CDH8: variants seen among roughly 807,000 people sequenced by gnomAD.
CDH8 encodes cadherin-8.
Under a neutral mutation model 68.1 loss-of-function variants are expected in CDH8, and 17 were observed. The observed-to-expected ratio is 0.25, with a 90% CI of 0.17 to 0.37. CDH8 has a LOEUF of 0.37. Among genes scored for constraint, CDH8 ranks in the 10% least tolerant of loss-of-function variants. The probability of loss-of-function intolerance (pLI) is 1.00; values close to 1 mark genes in which losing one functional copy is unlikely to be tolerated. For missense variants in CDH8, 763 were observed against 999.3 expected (o/e 0.76, Z 3.19); for synonymous variants, 372 against 365.1 (o/e 1.02, Z -0.21).
At chr16:61,918,865 G>C (rs1442370928) in intron 2 of CDH8, among the ~76,000 whole-genome samples, 1 of 151,064 alleles carries the variant, frequency 6.6e-6, no homozygotes, top group Non-Finnish European at 1.5e-5. Context: ...TGGGGGCAGG[G>C]CACAGACAAA....
chr16:61,788,293 C>A (rs966064818), intron 8 of CDH8, among the ~76,000 whole-genome samples: 5 of 152,098 alleles, frequency 3.3e-5, no homozygotes, highest in Non-Finnish European at 1.5e-5. Flanking sequence ...CCTGTTTTCA[C>A]ATTAGCTGCC....
chr16:61,985,681 G>A (rs958942352), intron 2 of CDH8, among the ~76,000 whole-genome samples: 2 of 151,794 alleles, frequency 1.3e-5, no homozygotes, highest in African/African-American at 2.4e-5. Context: ...TAGTAGAGAC[G>A]GGGGTTTCTC....
chr16:61,896,962 A>C (rs1035498255), intron 3 of CDH8, among the ~76,000 whole-genome samples: 1 of 151,860 alleles, frequency 6.6e-6, no homozygotes, highest in African/African-American at 2.4e-5. Context: ...CCTGATAATA[A>C]GGGATAGAAC....
At chr16:61,778,912 T>G (rs1371944323) in intron 8 of CDH8, among the ~76,000 whole-genome samples, 1 of 152,140 alleles carries the variant, frequency 6.6e-6, no homozygotes, top group Admixed American at 6.5e-5. Context: ...GGCCCCATGC[T>G]AGGAAAAAAC....
intron 8 of CDH8, among the ~76,000 whole-genome samples, chr16:61,772,400 G>A (rs111818487): frequency 3.1e-4 from 47 of 152,156 alleles, no homozygotes; most frequent in African/African-American, 9.6e-4. Flanking sequence ...TCTGAAAAGT[G>A]AGACAAAGCT....
intron 10 of CDH8, among the ~76,000 whole-genome samples, chr16:61,660,263 T>C (rs1264305751): frequency 1.3e-5 from 2 of 150,990 alleles, no homozygotes; most frequent in Non-Finnish European, 3.0e-5. Context: ...GAAGAAAATA[T>C]GACCCACAGC....
intron 8 of CDH8, among the ~76,000 whole-genome samples, chr16:61,738,979 A>AT (rs1280856230): frequency 6.6e-6 from 1 of 151,908 alleles, no homozygotes; most frequent in African/African-American, 2.4e-5. Flanking sequence ...CATATCTCTT[A>AT]TTTTTTCCAT....
rs757485259 is a variant in CDH8, at chr16:61,960,268, C to CGT, written c.253-58797_253-58796dup. On this transcript the variant is annotated intron_variant, in intron 2 of 11. Coordinates refer to ENST00000577390, the MANE Select transcript of CDH8 (RefSeq NM_001796.5). Reference sequence around the variant, plus strand: ...GTGTGTGTATACACATACATATATACGTGTGTGTGTATACACACATATATA... The same window carrying CGT: ...GTGTGTGTATACACATACATATATACGTGTGTGTGTGTATACACACATATATA... 1.6e-4 allele frequency among the ~76,000 whole-genome samples: 12 copies of CGT among 76,812 alleles called. 2 individuals carry two copies. Among genetic ancestry groups the CGT allele is most frequent in the Admixed American group, 1.2e-3 (10 of 8,066 alleles). The allele number at this position is 76,812 out of a possible 152,430, so 50.4% of individuals were successfully genotyped here.
rs528627565 is a variant in CDH8 at position 61,979,644 on chromosome 16, GT to G, written c.252+41507del. 7.5e-4 allele frequency among the ~76,000 whole-genome samples: 110 copies of G among 146,146 alleles called. 1 individual carries two copies. Among genetic ancestry groups the G allele is most frequent in the East Asian group, 3.2e-3 (16 of 5,040 alleles). ...AAAGATGAGTATGATTTTGTTTTAG[GT>G]TTTTTTTTTTTCTAAGATACCATCA... On this transcript the variant is annotated intron_variant, in intron 2 of 11. Coordinates refer to ENST00000577390, the MANE Select transcript of CDH8 (RefSeq NM_001796.5).
intron 8 of CDH8, among the ~76,000 whole-genome samples, chr16:61,748,133 A>G (rs1960068805): frequency 6.6e-6 from 1 of 151,976 alleles, no homozygotes; most frequent in Non-Finnish European, 1.5e-5. Context: ...TATAAGTCTC[A>G]GTCAGTACAA....
At chr16:61,737,865 G>A (rs184758030) in intron 8 of CDH8, among the ~76,000 whole-genome samples, 1 of 152,134 alleles carries the variant, frequency 6.6e-6, no homozygotes, top group Non-Finnish European at 1.5e-5. Context: ...GTACACAGAA[G>A]GAGGAGTTGA....
rs1963330396 is a variant in CDH8, at chr16:61,651,863, C to T, written c.*1745G>A. On this transcript the variant is annotated 3_prime_UTR_variant, in exon 12 of 12. Transcript: ENST00000577390. ...CTGTGTGATCACTGGCAAGCCATTT[C>T]TCTTCTCTGTTTCTCTATAATAAAG... is the stretch of plus-strand genomic sequence containing the variant. 6.4e-6 allele frequency: 1 copy of T among 156,478 alleles called. No homozygotes were observed. The highest frequency in any genetic ancestry group is 2.4e-5 in the African/African-American group (1 of 41,498). 9.7% of individuals were successfully genotyped at this position (156,478 alleles called of 1,614,324 possible). A position where few individuals can be genotyped will look rare whatever the true frequency, so the allele number is the denominator to read the frequency against.
At chr16:62,035,051 T>C (rs1902420505) in intron 1 of CDH8, 1 of 152,128 alleles carries the variant, frequency 6.6e-6, no homozygotes, top group East Asian at 1.9e-4. Flanking sequence ...CTCTGGTGTT[T>C]GGGAGGAATA....
chr16:61,788,137 T>A (rs1409443625), intron 8 of CDH8, among the ~76,000 whole-genome samples: 1 of 152,034 alleles, frequency 6.6e-6, no homozygotes, highest in Non-Finnish European at 1.5e-5. Flanking sequence ...ATCTTCACTC[T>A]TTCACACAAG....
intron 8 of CDH8, among the ~76,000 whole-genome samples, chr16:61,758,086 G>A (rs1340022744): frequency 6.6e-6 from 1 of 152,114 alleles, no homozygotes; most frequent in Non-Finnish European, 1.5e-5. Flanking sequence ...CAGGGATAGT[G>A]TTGTTAGTGA....
intron 4 of CDH8, among the ~76,000 whole-genome samples, chr16:61,850,944 T>A (rs1460440099): frequency 6.6e-6 from 1 of 152,090 alleles, no homozygotes; most frequent in Non-Finnish European, 1.5e-5. Context: ...TGACTAAGCA[T>A]TGAATAATGT....
At chr16:61,693,053 T>G (rs1024130297) in intron 10 of CDH8, 3 of 152,308 alleles carry the variant, frequency 2.0e-5, no homozygotes, top group Middle Eastern at 3.4e-3. Context: ...TTGAAAGTGT[T>G]AACTGACTTA....
chr16:61,708,195 A>T (rs1964567989), intron 10 of CDH8, among the ~76,000 whole-genome samples: 1 of 152,160 alleles, frequency 6.6e-6, no homozygotes, highest in Non-Finnish European at 1.5e-5. Flanking sequence ...AGAATTAGAA[A>T]GCTCTGTAAA....
At chr16:61,881,060 C>A (rs1328199192) in intron 3 of CDH8, among the ~76,000 whole-genome samples, 2 of 152,028 alleles carry the variant, frequency 1.3e-5, no homozygotes, top group African/African-American at 4.8e-5. Flanking sequence ...GGATTCTTGC[C>A]CAGTCGAGTC....
Sources: gnomAD v4.1 joint callset for allele counts (sites outside exome capture counted in the v4.1 genomes callset) on GRCh38, gnomAD v4.1.1 for gene constraint, MANE v1.5 for transcripts, NCBI Gene and HGNC (gene_info 2026-07-23, HGNC 2026-07-21) for gene names.